The following SH3GLB2 variants were observed in gnomAD, a reference collection of about 807,000 sequenced individuals.
SH3GLB2 encodes endophilin-B2.
In SH3GLB2, 24 loss-of-function variants were observed where a neutral mutation model predicts 48.0. That is an observed-to-expected ratio of 0.50 (90% CI 0.36 to 0.70). The LOEUF is 0.70. Among genes scored for constraint, SH3GLB2 ranks in the 30% least tolerant of loss-of-function variants. The probability of loss-of-function intolerance (pLI) is 0.00; values close to 1 mark genes in which losing one functional copy is unlikely to be tolerated. For missense variants in SH3GLB2, 425 were observed against 516.0 expected (o/e 0.82, Z 1.71); for synonymous variants, 227 against 207.6 (o/e 1.09, Z -0.80).
chr9:129,012,987 G>C (rs533383377), intron 5 of SH3GLB2: 12 of 1,551,034 alleles, frequency 7.7e-6, no homozygotes, highest in Non-Finnish European at 9.6e-6. Flanking sequence ...GCAGCACAGC[G>C]CGTGGGACAG....
intron 1 of SH3GLB2, among the ~76,000 whole-genome samples, chr9:129,025,378 C>T (rs1041288529): frequency 3.1e-4 from 47 of 150,860 alleles, no homozygotes; most frequent in Admixed American, 3.3e-4. Context: ...GCCTGGCCAA[C>T]GTGGTGAAAC....
chr9:129,026,713 C>T (rs1844185530), intron 1 of SH3GLB2, among the ~76,000 whole-genome samples: 1 of 152,198 alleles, frequency 6.6e-6, no homozygotes, highest in Non-Finnish European at 1.5e-5. Context: ...AGGGAACTGG[C>T]AGATCAGGTT....
chr9:129,012,310 C>G lies in SH3GLB2; in HGVS notation c.562-12G>C. The stretch of plus-strand genomic sequence containing the variant: ...AAGTCAGGCACCGTCTGGCGGGGAA[C>G]AGAGTTCATGTGGGGAGGGGGTCAC... On this transcript the variant is annotated splice_polypyrimidine_tract_variant and intron_variant, in intron 5 of 10. Transcript: ENST00000372564. The G allele has an allele frequency of 3.1e-6, 4 of 1,294,168 alleles. No homozygotes were observed. Among genetic ancestry groups the G allele is most frequent in the Non-Finnish European group, 3.9e-6 (4 of 1,013,936 alleles). 80.2% of individuals were successfully genotyped at this position (1,294,168 alleles called of 1,614,324 possible).
intron 8 of SH3GLB2, 90 bp downstream of exon 8, chr9:129,010,030 A>G: frequency 8.3e-6 from 12 of 1,446,986 alleles, no homozygotes; most frequent in Non-Finnish European, 1.2e-5. Context: ...TGTGAGGGCC[A>G]TTCTGGGGCA....
chr9:129,009,681 A>G, intron 9 of SH3GLB2, 90 bp downstream of exon 9: 1 of 1,415,710 alleles, frequency 7.1e-7, no homozygotes, highest in Non-Finnish European at 9.7e-7. Flanking sequence ...GCTTTGTGTC[A>G]CAGGACTTGC....
Position 129,011,867 on chromosome 9 carries a change from T to G in SH3GLB2, c.624+369A>C, listed in dbSNP as rs543391914. The G allele has an allele frequency of 1.5e-3, 352 of 232,372 alleles. 1 individual carries two copies. The highest frequency in any genetic ancestry group is 2.4e-3 in the Non-Finnish European group (294 of 120,360). 14.4% of individuals were successfully genotyped at this position (232,372 alleles called of 1,614,324 possible). ...AACTCCAGAAAGGCACGGCCAGGCCTCCTCCTCTATCCTCAGGGCCTCCCC... is the reference window on the plus strand; with the variant it reads ...AACTCCAGAAAGGCACGGCCAGGCCGCCTCCTCTATCCTCAGGGCCTCCCC... On this transcript the variant is annotated intron_variant, in intron 6 of 10. Coordinates refer to ENST00000372564, the MANE Select transcript of SH3GLB2 (RefSeq NM_020145.4). The surrounding 1 kb of genome is among the most constrained non-coding windows in gnomAD (Gnocchi z 4.5).
At chr9:129,017,900 AC>A (rs1477895001) in intron 3 of SH3GLB2, among the ~76,000 whole-genome samples, 54 of 146,722 alleles carry the variant, frequency 3.7e-4, no homozygotes, top group African/African-American at 1.1e-3. Context: ...TCCGTCTCAA[AC>A]AAAAAAAAAA....
At chr9:129,022,460 A>G in intron 1 of SH3GLB2, 37 bp from the exon 2 acceptor site, 3 of 1,481,144 alleles carry the variant, frequency 2.0e-6, no homozygotes, top group Non-Finnish European at 1.9e-6. Context: ...GGGGAGGGGG[A>G]GAGCTCAGAA....
At chr9:129,017,697 G>A (rs1239788698) in intron 3 of SH3GLB2, among the ~76,000 whole-genome samples, 2 of 151,388 alleles carry the variant, frequency 1.3e-5, no homozygotes, top group African/African-American at 4.9e-5. Flanking sequence ...TCAGGAGATC[G>A]ACTATCCTGG....
In SH3GLB2 at chr9:129,007,231, C is replaced by CTGATGGATGG. The variant is rs1842831736; in HGVS notation, c.*1452_*1453insCCATCCATCA. 6.6e-6 allele frequency: 1 copy of CTGATGGATGG among 152,194 alleles called. No individual in the cohort carries two copies. Among genetic ancestry groups the CTGATGGATGG allele is most frequent in the Non-Finnish European group, 1.5e-5 (1 of 68,096 alleles). 9.4% of individuals were successfully genotyped at this position (152,194 alleles called of 1,614,324 possible). A position where few individuals can be genotyped will look rare whatever the true frequency, so the allele number is the denominator to read the frequency against. ...CAGGTACTGATGGATGGCTAGTTCA[C>CTGATGGATGG]CAGCATCTCCTCATTCCTGTCCTTG... On this transcript the variant is annotated 3_prime_UTR_variant, in exon 11 of 11. Transcript: ENST00000372564.
rs764005809 is a variant in SH3GLB2, at chr9:129,014,914, CAG to C, written c.335-12_335-11del. ...TTGATCAGTGTCTTCCCTGAGAAAA[CAG>C]AGTTGAAGCGTGAGGAAGAAGGTCA... On this transcript the variant is annotated splice_polypyrimidine_tract_variant and intron_variant, in intron 3 of 10. Transcript: ENST00000372564. This position sits in a 1 kb window ranked among gnomAD's most constrained non-coding sequence, Gnocchi z 4.1. 6.2e-7 allele frequency: 1 copy of C among 1,612,372 alleles called. No individual in the cohort carries two copies. Among genetic ancestry groups the C allele is most frequent in the Non-Finnish European group, 8.5e-7 (1 of 1,179,168 alleles).
chr9:129,025,459 G>A (rs571397239), intron 1 of SH3GLB2, among the ~76,000 whole-genome samples: 61 of 151,794 alleles, frequency 4.0e-4, no homozygotes, highest in African/African-American at 1.2e-3. Context: ...CCAGTTACTC[G>A]GGAGGCTGAG....
In SH3GLB2 at chr9:129,015,545, G is replaced by A. The variant is rs538678314; in HGVS notation, c.335-641C>T. On this transcript the variant is annotated intron_variant, in intron 3 of 10. Coordinates refer to ENST00000372564, the MANE Select transcript of SH3GLB2 (RefSeq NM_020145.4). The stretch of plus-strand genomic sequence containing the variant: ...GAACCCAGCTGTTCAAGACCAGCCC[G>A]GGCAACATGGCAAAACCTTGTCTTT... Among the ~76,000 whole-genome samples, 10 of 152,086 alleles carry A rather than the reference G, an allele frequency of 6.6e-5. No homozygotes were observed. In the East Asian group the frequency reaches 1.2e-3, roughly 18 times the overall value.
At chr9:129,021,313 G>A (rs1051149274) in intron 2 of SH3GLB2, 94 bp from the exon 3 acceptor site, 24 of 1,422,824 alleles carry the variant, frequency 1.7e-5, no homozygotes, top group Non-Finnish European at 2.2e-5. Flanking sequence ...GCCCACAGGT[G>A]CACCTGGCCT....
Position 129,012,276 on chromosome 9 carries a change from G to C in SH3GLB2, c.584C>G (p.Thr195Ser). 2 of 1,304,726 alleles carry C rather than the reference G, an allele frequency of 1.5e-6. No individual in the cohort carries two copies. The highest frequency in any genetic ancestry group is 2.0e-4 in the Middle Eastern group (1 of 4,944). 80.8% of individuals were successfully genotyped at this position (1,304,726 alleles called of 1,614,324 possible). A position where few individuals can be genotyped will look rare whatever the true frequency, so the allele number is the denominator to read the frequency against. ...KATTVPDFQE[T>S]RPRNYILSAS... ...CGAGAGAATGTAATTACGAGGTCTAGTCTCCTGAAAGTCAGGCACCGTCTG... is the reference window on the plus strand; with the variant it reads ...CGAGAGAATGTAATTACGAGGTCTACTCTCCTGAAAGTCAGGCACCGTCTG... Residue 195 changes from threonine (T) to serine (S), a missense_variant, in exon 6 of 11, where the codon ACT (threonine) becomes AGT (serine). Coordinates refer to ENST00000372564, the MANE Select transcript of SH3GLB2 (RefSeq NM_020145.4).
In SH3GLB2 at chr9:129,021,154, C is replaced by T. The variant is rs369717851; in HGVS notation, c.271G>A (p.Gly91Arg). 18 of 1,612,216 alleles carry T rather than the reference C, an allele frequency of 1.1e-5. No homozygotes were observed. In the South Asian group the frequency reaches 1.4e-4, roughly 13 times the overall value. Residue 91 changes from glycine to arginine, a missense_variant, in exon 3 of 11, where the codon GGG (glycine) becomes AGG (arginine). Gly to Arg is a moderately radical substitution (Grantham distance 125, BLOSUM62 -2). Transcript: ENST00000372564. ...GCCATGTACTGAGCCAGCAGCTCCC[C>T]GTTGGTGACCCTTGAGGGGACCTTC... is the stretch of plus-strand genomic sequence containing the variant. ...DRKVPSRVTNGELLAQYMADA... is the reference protein window; with the variant it reads ...DRKVPSRVTNRELLAQYMADA...
intron 1 of SH3GLB2, 55 bp from the exon 2 acceptor site, chr9:129,022,478 G>T: frequency 1.3e-6 from 2 of 1,488,448 alleles, no homozygotes; most frequent in East Asian, 2.3e-5. Context: ...GAAGGAGGTG[G>T]GGGAGTGGTG....
At position 129,028,248 on chromosome 9, in the gene SH3GLB2, G is replaced by T; in HGVS notation, c.-94C>A. On this transcript the variant is annotated 5_prime_UTR_variant, in exon 1 of 11. Transcript: ENST00000372564. ...CAACCGCACCCCGCCCACCTGCTGC[G>T]GGGCACCAGCCCTCCGCGCACCCGC... is the stretch of plus-strand genomic sequence containing the variant. 1.5e-5 allele frequency: 13 copies of T among 861,854 alleles called. No individual in the cohort carries two copies. The highest frequency in any genetic ancestry group is 1.8e-5 in the Non-Finnish European group (13 of 708,900). The allele number at this position is 861,854 out of a possible 1,614,324, so 53.4% of individuals were successfully genotyped here. A position where few individuals can be genotyped will look rare whatever the true frequency, so the allele number is the denominator to read the frequency against.
chr9:129,024,624 G>A (rs535116193), intron 1 of SH3GLB2, among the ~76,000 whole-genome samples: 1 of 151,744 alleles, frequency 6.6e-6, no homozygotes, highest in Non-Finnish European at 1.5e-5. Context: ...TCAAGGGGCT[G>A]AGGTGGGAGC....
Sources: allele counts gnomAD v4.1 joint callset (sites outside exome capture counted in the v4.1 genomes callset), GRCh38; gene constraint gnomAD v4.1.1; non-coding constraint Gnocchi (gnomAD v3.1); transcripts MANE v1.5; gene names NCBI Gene and HGNC (gene_info 2026-07-23, HGNC 2026-07-21).